CPLX2: variants seen among roughly 807,000 people sequenced by gnomAD.
The protein encoded by CPLX2 is complexin 2, also known as complexin-2.
CPLX2 carries 5 observed loss-of-function variants against 16.3 expected under a neutral mutation model. The observed-to-expected ratio is 0.31, with a 90% CI of 0.16 to 0.64. The LOEUF (loss-of-function observed/expected upper bound fraction) is 0.64. CPLX2 is among the 30% of genes least tolerant of loss of function. The probability of loss-of-function intolerance (pLI) is 0.79; values close to 1 mark genes in which losing one functional copy is unlikely to be tolerated. For missense variants in CPLX2, 144 were observed against 181.4 expected, an observed-to-expected ratio of 0.79 and a Z score of 1.18; for synonymous variants, 89 against 73.2, an observed-to-expected ratio of 1.22 and a Z score of -1.10.
At chr5:175,797,287 C>G (rs1406951738) in intron 1 of CPLX2, among the ~76,000 whole-genome samples, 2 of 152,304 alleles carry the variant, frequency 1.3e-5, no homozygotes, top group African/African-American at 2.4e-5. Context: ...AGAGGTGTCA[C>G]CGGCGAGCTA....
chr5:175,843,606 C>CT (rs1483734320), intron 2 of CPLX2, among the ~76,000 whole-genome samples: 4 of 152,238 alleles, frequency 2.6e-5, no homozygotes, highest in Non-Finnish European at 4.4e-5. Context: ...AATCCAATCC[C>CT]TACCATCACC....
intron 2 of CPLX2, among the ~76,000 whole-genome samples, chr5:175,812,217 C>A (rs984847599): frequency 3.9e-5 from 6 of 152,244 alleles, no homozygotes; most frequent in Non-Finnish European, 8.8e-5. Flanking sequence ...ATGCGGAGGG[C>A]AGCCAGCACA....
chr5:175,873,251 T>C (rs1192079655), intron 1 of CPLX2, among the ~76,000 whole-genome samples: 2 of 110,980 alleles, frequency 1.8e-5, no homozygotes, highest in African/African-American at 3.5e-5. Flanking sequence ...CGCAGGCATA[T>C]GGCAAAACAT....
intron 2 of CPLX2, among the ~76,000 whole-genome samples, chr5:175,839,901 T>C (rs1163509301): frequency 6.6e-6 from 1 of 152,250 alleles, no homozygotes; most frequent in Non-Finnish European, 1.5e-5. Context: ...TCAAACTCAT[T>C]TGTACTGCCA....
chr5:175,843,521 G>A (rs923297361), intron 2 of CPLX2, among the ~76,000 whole-genome samples: 4 of 152,174 alleles, frequency 2.6e-5, no homozygotes, highest in African/African-American at 9.7e-5. Context: ...AGGCACACTC[G>A]TGGCCTCCTT....
rs1581106880 is a variant in CPLX2, at chr5:175,878,705, C to T, written c.-35C>T. On this transcript the variant is annotated 5_prime_UTR_variant, in exon 2 of 4. Coordinates refer to ENST00000393745, the MANE Select transcript of CPLX2 (RefSeq NM_001008220.2). ...CCAGGAGCGCTGCATGCAAATTCTG[C>T]CGTGGGCTAAGGCACGCTAACCAGA... 2 of 1,610,272 alleles carry T rather than the reference C, an allele frequency of 1.2e-6. No homozygotes were observed. Among genetic ancestry groups the T allele is most frequent in the East Asian group, 4.5e-5 (2 of 44,748 alleles).
rs2113677309 is a variant in CPLX2 at position 175,849,662 on chromosome 5, CGTT to C, written c.-88-28988_-88-28986del. Among the ~76,000 whole-genome samples the C allele has an allele frequency of 1.3e-5, 2 of 152,010 alleles. No individual in the cohort carries two copies. Among genetic ancestry groups the C allele is most frequent in the Admixed American group, 1.3e-4 (2 of 15,290 alleles). On this transcript the variant is annotated intron_variant, in intron 2 of 4. Coordinates refer to the CPLX2 transcript ENST00000359546. The surrounding 1 kb of genome is among the most constrained non-coding windows in gnomAD (Gnocchi z 4.4). ...AGAGAAGCCCTCTGCCGCAGGTCCT[CGTT>C]GGGGTCATCATGGGAGAAGCCGGGC...
intron 2 of CPLX2, among the ~76,000 whole-genome samples, chr5:175,818,106 T>C (rs1304060093): frequency 6.6e-6 from 1 of 152,124 alleles, no homozygotes; most frequent in East Asian, 1.9e-4. Flanking sequence ...ATGTAGATGA[T>C]AACATGGAAA....
intron 2 of CPLX2, among the ~76,000 whole-genome samples, chr5:175,827,550 T>G (rs988060659): frequency 6.6e-6 from 1 of 151,942 alleles, no homozygotes; most frequent in African/African-American, 2.4e-5. Flanking sequence ...AGGTCAGGAG[T>G]TCGAGACCAG....
chr5:175,856,073 T>C (rs1419553892), intron 2 of CPLX2, among the ~76,000 whole-genome samples: 1 of 152,180 alleles, frequency 6.6e-6, no homozygotes, highest in Admixed American at 6.5e-5. Context: ...ACAGATAGGT[T>C]AAGAGAGCAA....
At chr5:175,803,351 C>G (rs1362768249) in intron 1 of CPLX2, among the ~76,000 whole-genome samples, 1 of 152,120 alleles carries the variant, frequency 6.6e-6, no homozygotes, top group East Asian at 1.9e-4. Flanking sequence ...AGACAGAAGC[C>G]AGGCAAGTAA....
intron 2 of CPLX2, among the ~76,000 whole-genome samples, chr5:175,825,960 G>A (rs951964182): frequency 3.5e-3 from 126 of 35,700 alleles, no homozygotes; most frequent in African/African-American, 6.2e-3. Context: ...AAAAAAAAAA[G>A]CCTGGTAACT....
chr5:175,818,649 CCTTT>C (rs1758451318), intron 2 of CPLX2, among the ~76,000 whole-genome samples: 1 of 91,058 alleles, frequency 1.1e-5, no homozygotes, highest in African/African-American at 4.0e-5. Context: ...GCTGTCCCAA[CCTTT>C]TTTTTTTTTT....
intron 2 of CPLX2, among the ~76,000 whole-genome samples, chr5:175,862,942 G>A (rs1759400215): frequency 6.6e-6 from 1 of 152,226 alleles, no homozygotes; most frequent in Non-Finnish European, 1.5e-5. Context: ...TGTGACTACG[G>A]CGTGTTTTAA....
At chr5:175,846,553 C>A (rs1759047808) in intron 2 of CPLX2, among the ~76,000 whole-genome samples, 1 of 152,188 alleles carries the variant, frequency 6.6e-6, no homozygotes, top group Non-Finnish European at 1.5e-5. Context: ...AGATACTGGG[C>A]ATTTATTGAA....
At chr5:175,841,650 G>A (rs1758947572) in intron 2 of CPLX2, among the ~76,000 whole-genome samples, 1 of 152,162 alleles carries the variant, frequency 6.6e-6, no homozygotes, top group Non-Finnish European at 1.5e-5. Flanking sequence ...GGACACATGA[G>A]TGCCTCTCAC....
chr5:175,864,939 CCT>C (rs1254964975), intron 2 of CPLX2, among the ~76,000 whole-genome samples: 1 of 152,168 alleles, frequency 6.6e-6, no homozygotes, highest in Non-Finnish European at 1.5e-5. Context: ...CCTTTCTCAC[CCT>C]CTGTTTCCCC....
intron 2 of CPLX2, among the ~76,000 whole-genome samples, chr5:175,838,520 G>A (rs1195817818): frequency 2.0e-5 from 3 of 151,706 alleles, no homozygotes; most frequent in East Asian, 1.9e-4. Flanking sequence ...CAACCGCCTC[G>A]GCCTCCCAAA....
At position 175,849,765 on chromosome 5, in the gene CPLX2, C is replaced by T. The variant is rs1759115659; in HGVS notation, c.-88-28887C>T. Among the ~76,000 whole-genome samples the T allele has an allele frequency of 6.6e-6, 1 of 152,168 alleles. No individual in the cohort carries two copies. The highest frequency in any genetic ancestry group is 2.4e-5 in the African/African-American group (1 of 41,430). Reference sequence around the variant, plus strand: ...CGTGAGCTCCAACAGGGCCCTGGACCCCACCCTGGCTCCATCTCCCCTTGG... The same window carrying T: ...CGTGAGCTCCAACAGGGCCCTGGACTCCACCCTGGCTCCATCTCCCCTTGG... On this transcript the variant is annotated intron_variant, in intron 2 of 4. Coordinates refer to the CPLX2 transcript ENST00000359546. This position sits in a 1 kb window ranked among gnomAD's most constrained non-coding sequence, Gnocchi z 4.4.
Sources: allele counts gnomAD v4.1 joint callset (sites outside exome capture counted in the v4.1 genomes callset), GRCh38; gene constraint gnomAD v4.1.1; non-coding constraint Gnocchi (gnomAD v3.1); transcripts MANE v1.5; gene names NCBI Gene and HGNC (gene_info 2026-07-23, HGNC 2026-07-21).